Variants in ABCG5 observed in about 807,000 individuals in gnomAD.
The protein encoded by ABCG5 is ATP-binding cassette sub-family G member 5.
A neutral mutation model predicts 64.5 loss-of-function variants in ABCG5; 64 were observed. The observed-to-expected ratio is 0.99, with a 90% CI of 0.81 to 1.22. The LOEUF (loss-of-function observed/expected upper bound fraction) is 1.22. Among genes scored for constraint, ABCG5 ranks in the 50% most tolerant of loss-of-function variants. The pLI is 0.00. For synonymous variants in ABCG5, 385 were observed against 326.3 expected, an observed-to-expected ratio of 1.18 and a Z score of -1.94; for missense variants, 908 against 829.5, an observed-to-expected ratio of 1.09 and a Z score of -1.16.
At chr2:43,829,575 C>G (rs1024477216) in intron 4 of ABCG5, among the ~76,000 whole-genome samples, 6 of 152,174 alleles carry the variant, frequency 3.9e-5, no homozygotes, top group African/African-American at 1.4e-4. Flanking sequence ...TTTTTCCTCC[C>G]TCACTGTCTT....
chr2:43,833,258 T>C (rs1668059963), intron 2 of ABCG5, among the ~76,000 whole-genome samples: 1 of 152,068 alleles, frequency 6.6e-6, no homozygotes. Flanking sequence ...AAGTTGGGAC[T>C]CATAACAGAG....
In ABCG5 at chr2:43,813,014, T is replaced by A. The variant is rs1183756232; in HGVS notation, c.*102A>T. On this transcript the variant is annotated 3_prime_UTR_variant, in exon 13 of 13. Coordinates refer to ENST00000405322, the MANE Select transcript of ABCG5 (RefSeq NM_022436.3). ...GTCTTAATGGTTAAAAGACTTGAGA[T>A]GTCCTGTCAAGAAAGAAATACATGG... is the stretch of plus-strand genomic sequence containing the variant. 1 of 721,920 alleles carries A rather than the reference T, an allele frequency of 1.4e-6. No homozygotes were observed. The highest frequency in any genetic ancestry group is 2.6e-6 in the Non-Finnish European group (1 of 388,454). 44.7% of individuals were successfully genotyped at this position (721,920 alleles called of 1,614,324 possible). A position where few individuals can be genotyped will look rare whatever the true frequency, so the allele number is the denominator to read the frequency against.
rs767611945 is a variant in ABCG5, at chr2:43,837,836, G to T, written c.263C>A (p.Ser88Ter). The T allele has an allele frequency of 1.1e-5, 17 of 1,613,776 alleles. No homozygotes were observed. Among genetic ancestry groups the T allele is most frequent in the Non-Finnish European group, 1.4e-5 (17 of 1,179,836 alleles). The change falls in exon 2 of 13, where the codon TCA becomes TAA. Residue 88 changes from serine to a stop codon, truncating the protein, a stop_gained and splice_region_variant. Transcript: ENST00000405322. LOFTEE classifies it high-confidence loss of function. ...AGAATCCTCCTTCCCAAGCTTACCT[G>T]AGCTTCCTAGGATGCACATGATCTG... ...SGQIMCILGS[S>*]GSGKTTLLDA...
rs575276771 is a variant in ABCG5, at chr2:43,834,243, T to C, written c.266-2160A>G. On this transcript the variant is annotated intron_variant, in intron 2 of 12. Transcript: ENST00000405322. ...GTGGTTCTTCTAACCAGAGCCATCC[T>C]GGCTTTACATTTTTTGGATCCAATC... Among the ~76,000 whole-genome samples the C allele has an allele frequency of 8.5e-5, 13 of 152,374 alleles. No individual in the cohort carries two copies. The South Asian group carries it at 2.7e-3, about 32-fold the overall frequency.
chr2:43,839,147 C>T, upstream of ABCG5: 1 of 1,549,644 alleles, frequency 6.5e-7, no homozygotes, highest in Non-Finnish European at 8.7e-7. Flanking sequence ...CGGCCCAGGC[C>T]TGGTGGGCGG....
chr2:43,810,317 G>C, downstream of ABCG5: 1 of 974,332 alleles, frequency 1.0e-6, no homozygotes, highest in Non-Finnish European at 1.2e-6. Context: ...TTTTTAATCA[G>C]CACCAATTTC....
intron 4 of ABCG5, chr2:43,828,535 G>A: frequency 8.1e-6 from 3 of 370,162 alleles, no homozygotes; most frequent in South Asian, 6.6e-5. Context: ...GCTGGCACGT[G>A]CCTGTAGTCC....
At chr2:43,838,941 G>T, upstream of ABCG5, 3 of 1,278,660 alleles carry the variant, frequency 2.3e-6, no homozygotes, top group Non-Finnish European at 3.3e-6. The surrounding 1 kb of genome is among the most constrained non-coding windows in gnomAD (Gnocchi z 4.2). Context: ...ACGGGCCCAG[G>T]GCAGGAGGCC....
chr2:43,829,451 G>A (rs4148182), intron 4 of ABCG5, among the ~76,000 whole-genome samples: 8 of 152,048 alleles, frequency 5.3e-5, no homozygotes, highest in African/African-American at 1.9e-4. Context: ...TCTCTTCGCT[G>A]TACTTAAAGC....
chr2:43,810,215 A>G (rs181986676), downstream of ABCG5, among the ~76,000 whole-genome samples: 187 of 152,358 alleles, frequency 1.2e-3, 2 homozygotes, highest in African/African-American at 4.3e-3. Flanking sequence ...TTTACTCTTA[A>G]CAGTGAGGCG....
the ABCG5 span, among the ~76,000 whole-genome samples, chr2:43,806,632 CTGT>C: frequency 7.9e-5 from 12 of 152,238 alleles, no homozygotes; most frequent in South Asian, 4.1e-4. Flanking sequence ...CAATGATTAA[CTGT>C]TGTTGTTGAT....
chr2:43,815,954 T>A, intron 11 of ABCG5, among the ~76,000 whole-genome samples: 1 of 145,482 alleles, frequency 6.9e-6, no homozygotes, highest in African/African-American at 2.6e-5. Context: ...AAAGTTCAAC[T>A]ATGAGATGAC....
intron 2 of ABCG5, among the ~76,000 whole-genome samples, chr2:43,834,180 A>AT (rs1458538837): frequency 1.3e-5 from 2 of 152,176 alleles, no homozygotes; most frequent in Non-Finnish European, 2.9e-5. Context: ...CTTCATTGGG[A>AT]TTGTCTTTCA....
chr2:43,837,913 C>T lies in ABCG5; in HGVS notation c.186G>A (p.Gln62=). The T allele has an allele frequency of 3.1e-6, 5 of 1,614,150 alleles. No homozygotes were observed. Among genetic ancestry groups the T allele is most frequent in the Non-Finnish European group, 4.2e-6 (5 of 1,180,008 alleles). ...RPWWDITSCR[Q]QWTRQILKDV... Reference sequence around the variant, plus strand: ...CTTTGAGGATCTGCCTGGTCCACTGCTGCCGGCAAGATGTGATGTCCCACC... The same window carrying T: ...CTTTGAGGATCTGCCTGGTCCACTGTTGCCGGCAAGATGTGATGTCCCACC... The change falls in exon 2 of 13, where the codon CAG becomes CAA. Residue 62 remains glutamine (Q), a synonymous_variant. Coordinates refer to ENST00000405322, the MANE Select transcript of ABCG5 (RefSeq NM_022436.3).
the ABCG5 span, among the ~76,000 whole-genome samples, chr2:43,806,824 A>G: frequency 3.3e-5 from 5 of 152,278 alleles, no homozygotes; most frequent in Non-Finnish European, 4.4e-5. Flanking sequence ...CACAGTACCC[A>G]TATCACCCTT....
chr2:43,832,971 G>T (rs748683074), intron 2 of ABCG5, among the ~76,000 whole-genome samples: 2 of 151,926 alleles, frequency 1.3e-5, no homozygotes, highest in African/African-American at 2.4e-5. Flanking sequence ...CACTACACCC[G>T]GCTAATTTTC....
rs2104785738 is a variant in ABCG5, at chr2:43,820,118, C to CT, written c.1464-19dup. 1 of 1,610,080 alleles carries CT rather than the reference C, an allele frequency of 6.2e-7. No homozygotes were observed. The highest frequency in any genetic ancestry group is 2.2e-5 in the East Asian group (1 of 44,782). On this transcript the variant is annotated intron_variant, in intron 10 of 12. Transcript: ENST00000405322. ...CCAGCGTCCTAGAAAAGCATAAGCT[C>CT]TTTAGTTTCCTCTCCAAGGGCTATC...
intron 2 of ABCG5, among the ~76,000 whole-genome samples, chr2:43,834,556 A>G (rs765118873): frequency 1.3e-5 from 2 of 152,156 alleles, no homozygotes; most frequent in Non-Finnish European, 2.9e-5. Flanking sequence ...TGTGTCAAGT[A>G]TTTGTTAACT....
rs1251003259 is a variant in ABCG5 at position 43,819,981 on chromosome 2, T to C, written c.1583A>G (p.Asn528Ser). 1 of 1,614,080 alleles carries C rather than the reference T, an allele frequency of 6.2e-7. No individual in the cohort carries two copies. The highest frequency in any genetic ancestry group is 8.5e-7 in the Non-Finnish European group (1 of 1,180,054). Residue 528 changes from asparagine to serine, a missense_variant, in exon 11 of 13, where the codon AAT becomes AGT. Coordinates refer to ENST00000405322, the MANE Select transcript of ABCG5 (RefSeq NM_022436.3). ...LVLLGIVQNP[N>S]IVNSVVALLS... The stretch of plus-strand genomic sequence containing the variant: ...CAGAGCCACTACACTGTTGACTATA[T>C]TTGGATTTTGGACGATACCAAGTAG...
Sources: gnomAD v4.1 joint callset for allele counts (sites outside exome capture counted in the v4.1 genomes callset) on GRCh38, gnomAD v4.1.1 for gene constraint, Gnocchi (gnomAD v3.1) non-coding constraint, MANE v1.5 for transcripts, NCBI Gene and HGNC (gene_info 2026-07-23, HGNC 2026-07-21) for gene names.